GRIN2A: variants seen among roughly 807,000 people sequenced by gnomAD.
GRIN2A encodes glutamate ionotropic receptor NMDA type subunit 2A.
In GRIN2A, 22 loss-of-function variants were observed where a neutral mutation model predicts 113.4. That is an observed-to-expected ratio of 0.19 (90% confidence interval 0.14 to 0.28). The LOEUF (loss-of-function observed/expected upper bound fraction) is 0.28, where lower values mean the gene tolerates loss of function less well. Ranked by LOEUF, GRIN2A falls within the 10% of genes least tolerant of loss-of-function variation. The pLI, the probability that GRIN2A is intolerant of heterozygous loss-of-function variation, is 1.00. For missense variants in GRIN2A, 1,502 were observed against 1,887.0 expected (o/e 0.80, Z 3.78); for synonymous variants, 827 against 738.4 (o/e 1.12, Z -1.94).
In GRIN2A at chr16:9,778,566, G is replaced by A. The variant is rs16966287; in HGVS notation, c.2357-9477C>T. On this transcript the variant is annotated intron_variant, in intron 11 of 12. Transcript: ENST00000330684. ...AAGGATAGCAATAACTTCAGATCCC[G>A]TGCTGTTTTGAGAGCCACTGGCTAA... 5.7e-3 allele frequency among the ~76,000 whole-genome samples: 875 copies of A among 152,282 alleles called. 6 individuals carry two copies. The highest frequency in any genetic ancestry group is 0.019 in the African/African-American group (802 of 41,554).
chr16:9,924,128 A>C (rs1200810819), intron 3 of GRIN2A, among the ~76,000 whole-genome samples: 1,830 of 144,594 alleles, frequency 0.013, 52 homozygotes, highest in African/African-American at 0.046. Context: ...AAAAAAAAAA[A>C]AAAAAAAAAA....
intron 2 of GRIN2A, among the ~76,000 whole-genome samples, chr16:9,989,704 C>T (rs2046062986): frequency 6.6e-6 from 1 of 151,944 alleles, no homozygotes; most frequent in African/African-American, 2.4e-5. Flanking sequence ...ACAAATAACT[C>T]CATTAAAATC....
intron 2 of GRIN2A, among the ~76,000 whole-genome samples, chr16:9,984,917 A>C (rs1338223037): frequency 2.0e-5 from 3 of 152,124 alleles, no homozygotes; most frequent in Non-Finnish European, 4.4e-5. Flanking sequence ...GCTATCTTCC[A>C]GATTTCCCTA....
At chr16:10,035,963 A>T (rs376663750) in intron 2 of GRIN2A, among the ~76,000 whole-genome samples, 1 of 152,158 alleles carries the variant, frequency 6.6e-6, no homozygotes, top group African/African-American at 2.4e-5. Context: ...ACCTCAAGTG[A>T]TCCGCCTGCC....
chr16:10,179,004 T>C (rs2050205681), intron 2 of GRIN2A, among the ~76,000 whole-genome samples: 2 of 152,140 alleles, frequency 1.3e-5, no homozygotes. Flanking sequence ...TTCCCTTTTT[T>C]CTCATTCCTC....
intron 6 of GRIN2A, 47 bp downstream of exon 6, chr16:9,840,889 A>G (rs2141344337): frequency 6.2e-7 from 1 of 1,607,826 alleles, no homozygotes; most frequent in South Asian, 1.1e-5. Flanking sequence ...TGAGGACTGC[A>G]GGCCCTTTGT....
At chr16:9,956,031 G>A (rs1596360305) in intron 2 of GRIN2A, among the ~76,000 whole-genome samples, 1 of 152,200 alleles carries the variant, frequency 6.6e-6, no homozygotes, top group Non-Finnish European at 1.5e-5. Flanking sequence ...GTAAAGTTCT[G>A]TTGTTCGGAC....
chr16:10,036,405 T>C lies in GRIN2A; in HGVS notation c.415-97854A>G, dbSNP rs893641619. ...ATTCCTTGGCTCATAGATGGTGTTC[T>C]ATTTATGCCATAATAAAAATATTAG... On this transcript the variant is annotated intron_variant, in intron 2 of 12. Transcript: ENST00000330684. Among the ~76,000 whole-genome samples the C allele has an allele frequency of 2.0e-5, 3 of 151,526 alleles. No homozygotes were observed. The East Asian group carries it at 5.8e-4, about 29-fold the overall frequency.
chr16:10,031,539 C>G (rs544813164), intron 2 of GRIN2A: 1 of 152,346 alleles, frequency 6.6e-6, no homozygotes, highest in South Asian at 2.1e-4. Flanking sequence ...GTCAGTGCTG[C>G]GTTCCTGGCA....
At chr16:10,161,264 C>A (rs150245010) in intron 2 of GRIN2A, among the ~76,000 whole-genome samples, 1 of 152,190 alleles carries the variant, frequency 6.6e-6, no homozygotes, top group African/African-American at 2.4e-5. Context: ...TGAAGAAGTA[C>A]ATGTTGGCTT....
At chr16:10,042,668 C>T (rs1193402034) in intron 2 of GRIN2A, among the ~76,000 whole-genome samples, 3 of 152,178 alleles carry the variant, frequency 2.0e-5, no homozygotes, top group African/African-American at 7.2e-5. Context: ...TAATACACAA[C>T]ACAGCCATCA....
rs1900603318 is a variant in GRIN2A, at chr16:9,761,955, C to T, written c.*1194G>A. ...ACTCAGGGTAGATCCAAGAGTGCCT[C>T]GTGTTTTGAAGGCTTTTGATTTGAG... On this transcript the variant is annotated 3_prime_UTR_variant, in exon 13 of 13. Transcript: ENST00000330684. The T allele has an allele frequency of 4.9e-6, 1 of 202,064 alleles. No homozygotes were observed. Among genetic ancestry groups the T allele is most frequent in the Non-Finnish European group, 1.0e-5 (1 of 98,230 alleles). The allele number at this position is 202,064 out of a possible 1,614,324, so 12.5% of individuals were successfully genotyped here.
chr16:10,111,532 C>T (rs2048613989), intron 2 of GRIN2A: 6 of 757,254 alleles, frequency 7.9e-6, no homozygotes, highest in Non-Finnish European at 1.4e-5. Flanking sequence ...TGAGGTAGAC[C>T]TAACTTCAGC....
chr16:10,064,029 T>C (rs1316714882), intron 2 of GRIN2A, among the ~76,000 whole-genome samples: 1 of 152,204 alleles, frequency 6.6e-6, no homozygotes, highest in Non-Finnish European at 1.5e-5. Flanking sequence ...TGTTCTGTTC[T>C]GCTTTATTCG....
chr16:9,841,351 T>G (rs559628392), intron 5 of GRIN2A, among the ~76,000 whole-genome samples: 22 of 152,360 alleles, frequency 1.4e-4, no homozygotes, highest in African/African-American at 4.1e-4. Flanking sequence ...TCCTAAAGGC[T>G]TCATACTAAT....
intron 4 of GRIN2A, among the ~76,000 whole-genome samples, chr16:9,864,019 G>A (rs2043118369): frequency 6.6e-6 from 1 of 152,084 alleles, no homozygotes; most frequent in South Asian, 2.1e-4. Context: ...CTTGACCTAA[G>A]GACAGTCCTT....
At chr16:9,878,928 T>G (rs1485897163) in intron 4 of GRIN2A, among the ~76,000 whole-genome samples, 2 of 152,072 alleles carry the variant, frequency 1.3e-5, no homozygotes, top group Non-Finnish European at 2.9e-5. Flanking sequence ...ATCACTTATT[T>G]CAGTTGAATG....
At chr16:10,076,346 A>C (rs73510663) in intron 2 of GRIN2A, among the ~76,000 whole-genome samples, 13,825 of 152,140 alleles carry the variant, frequency 0.091, 708 homozygotes, top group Non-Finnish European at 0.11. Flanking sequence ...CGAGGCAACA[A>C]CTGCTGCATC....
intron 2 of GRIN2A, chr16:9,970,778 G>A: frequency 2.1e-6 from 2 of 932,684 alleles, no homozygotes; most frequent in Non-Finnish European, 2.6e-6. Flanking sequence ...CTCTCAACAG[G>A]AGAAATATTG....
Sources: gnomAD v4.1 joint callset for allele counts (sites outside exome capture counted in the v4.1 genomes callset) on GRCh38, gnomAD v4.1.1 for gene constraint, MANE v1.5 for transcripts, NCBI Gene and HGNC (gene_info 2026-07-23, HGNC 2026-07-21) for gene names.